The following VSNL1 variants were observed in gnomAD, a reference collection of about 807,000 sequenced individuals.
VSNL1 encodes the protein visinin-like protein 1.
In VSNL1, 6 loss-of-function variants were observed where a neutral mutation model predicts 20.4. That is an observed-to-expected ratio of 0.29 (90% CI 0.16 to 0.58). The LOEUF (loss-of-function observed/expected upper bound fraction) is 0.58. Ranked by LOEUF, VSNL1 falls within the 20% of genes least tolerant of loss-of-function variation. The probability of loss-of-function intolerance (pLI) is 0.90; values close to 1 mark genes in which losing one functional copy is unlikely to be tolerated. For synonymous variants in VSNL1, 93 were observed against 86.4 expected (o/e 1.08, Z -0.42); for missense variants, 100 against 234.5 (o/e 0.43, Z 3.75).
At chr2:17,593,433 G>A (rs1664640229) in intron 2 of VSNL1, among the ~76,000 whole-genome samples, 1 of 152,152 alleles carries the variant, frequency 6.6e-6, no homozygotes, top group South Asian at 2.1e-4. Context: ...TTTTAAAAAT[G>A]TGTTTTATAG....
intron 2 of VSNL1, among the ~76,000 whole-genome samples, chr2:17,615,112 A>G (rs1665185475): frequency 6.6e-6 from 1 of 152,214 alleles, no homozygotes; most frequent in South Asian, 2.1e-4. Context: ...ATGACATGTC[A>G]TTAAATAAGA....
At chr2:17,622,597 AAAG>A (rs1665410952) in intron 2 of VSNL1, among the ~76,000 whole-genome samples, 1 of 138,196 alleles carries the variant, frequency 7.2e-6, no homozygotes, top group Non-Finnish European at 1.6e-5. Flanking sequence ...AGAAAGAAAG[AAAG>A]AAAAGAAAGA....
Position 17,634,181 on chromosome 2 carries a change from G to A in VSNL1, c.163-15229G>A, listed in dbSNP as rs1030436328. ...GGTTAAGGCCTAGACTTGCAGATGC[G>A]CTCACTCATTGTAACAGCAGTGTGC... On this transcript the variant is annotated intron_variant, in intron 2 of 3. Transcript: ENST00000295156. The surrounding 1 kb of genome is among the most constrained non-coding windows in gnomAD (Gnocchi z 4.3). 1.3e-5 allele frequency among the ~76,000 whole-genome samples: 2 copies of A among 152,120 alleles called. No individual in the cohort carries two copies. The highest frequency in any genetic ancestry group is 2.9e-5 in the Non-Finnish European group (2 of 68,026).
At chr2:17,576,294 A>T (rs966695258) in intron 1 of VSNL1, among the ~76,000 whole-genome samples, 1 of 152,172 alleles carries the variant, frequency 6.6e-6, no homozygotes, top group Non-Finnish European at 1.5e-5. Context: ...ATGTGCCATG[A>T]TTTACTATCC....
At chr2:17,585,006 A>ACATTGC (rs1396262645) in intron 1 of VSNL1, among the ~76,000 whole-genome samples, 1 of 152,152 alleles carries the variant, frequency 6.6e-6, no homozygotes, top group African/African-American at 2.4e-5. Flanking sequence ...ACTCGCCCTA[A>ACATTGC]CATTGCCACT....
chr2:17,581,438 A>G (rs1664346547), intron 1 of VSNL1, among the ~76,000 whole-genome samples: 1 of 152,202 alleles, frequency 6.6e-6, no homozygotes, highest in Admixed American at 6.5e-5. Flanking sequence ...ATGGCTTCAT[A>G]ATTTCCATTC....
chr2:17,598,257 G>C (rs1664752741), intron 2 of VSNL1, among the ~76,000 whole-genome samples: 1 of 152,192 alleles, frequency 6.6e-6, no homozygotes, highest in East Asian at 1.9e-4. Flanking sequence ...GATTTTAGGT[G>C]CATAACCTCT....
intron 2 of VSNL1, among the ~76,000 whole-genome samples, chr2:17,637,019 C>A (rs1042930408): frequency 6.6e-6 from 1 of 152,222 alleles, no homozygotes; most frequent in Non-Finnish European, 1.5e-5. Context: ...GTTCCAGGTG[C>A]CATCCATAGG....
intron 2 of VSNL1, among the ~76,000 whole-genome samples, chr2:17,622,600 GAAA>G (rs200558499): frequency 1.7e-5 from 2 of 115,602 alleles, no homozygotes; most frequent in East Asian, 5.8e-4. Flanking sequence ...AAGAAAGAAA[GAAA>G]AGAAAGAAAG....
chr2:17,560,776 A>T (rs1663794529), intron 1 of VSNL1, among the ~76,000 whole-genome samples: 1 of 152,222 alleles, frequency 6.6e-6, no homozygotes, highest in South Asian at 2.1e-4. Flanking sequence ...ATGTCAAAAG[A>T]TGTCATTAAC....
intron 1 of VSNL1, among the ~76,000 whole-genome samples, chr2:17,560,396 A>T (rs749099972): frequency 6.6e-6 from 1 of 152,142 alleles, no homozygotes; most frequent in African/African-American, 2.4e-5. Context: ...ATCAAATAAT[A>T]TGGAATAGGC....
chr2:17,613,014 C>T (rs1404933705), intron 2 of VSNL1, among the ~76,000 whole-genome samples: 2 of 152,180 alleles, frequency 1.3e-5, no homozygotes, highest in African/African-American at 4.8e-5. Context: ...CACCCCATCT[C>T]CTCTTCATTC....
chr2:17,574,262 T>A (rs1664152256), intron 1 of VSNL1, among the ~76,000 whole-genome samples: 1 of 151,974 alleles, frequency 6.6e-6, no homozygotes, highest in South Asian at 2.1e-4. Context: ...AGTTAACAGA[T>A]AACTTTTTCT....
At position 17,609,024 on chromosome 2, in the gene VSNL1, T is replaced by A. The variant is rs7583329; in HGVS notation, c.162+16788T>A. 2.9e-3 allele frequency among the ~76,000 whole-genome samples: 441 copies of A among 152,304 alleles called. 3 individuals carry two copies. Among genetic ancestry groups the A allele is most frequent in the African/African-American group, 0.01 (427 of 41,572 alleles). On this transcript the variant is annotated intron_variant, in intron 2 of 3. Transcript: ENST00000295156. ...CATGCACATATATATATTCAGTTCA[T>A]TGATGTGGGTGCCTTAGTTAGGATC... is the stretch of plus-strand genomic sequence containing the variant.
intron 2 of VSNL1, among the ~76,000 whole-genome samples, chr2:17,615,201 C>G (rs1665187016): frequency 6.6e-6 from 1 of 152,184 alleles, no homozygotes; most frequent in Admixed American, 6.5e-5. Flanking sequence ...ACACACATAG[C>G]TCCCTGCCCC....
intron 1 of VSNL1, among the ~76,000 whole-genome samples, chr2:17,583,500 C>T (rs1206251184): frequency 2.0e-5 from 3 of 152,166 alleles, no homozygotes; most frequent in African/African-American, 7.2e-5. Flanking sequence ...TTCATAGAAA[C>T]CAATTCTCAG....
At chr2:17,559,628 TC>T (rs1187105792) in intron 1 of VSNL1, among the ~76,000 whole-genome samples, 1 of 152,168 alleles carries the variant, frequency 6.6e-6, no homozygotes, top group East Asian at 1.9e-4. Flanking sequence ...CTAATATCCT[TC>T]CAGTTCTACC....
intron 2 of VSNL1, among the ~76,000 whole-genome samples, chr2:17,608,522 C>T (rs773967169): frequency 6.6e-6 from 1 of 152,136 alleles, no homozygotes; most frequent in African/African-American, 2.4e-5. Context: ...TTACATAAGA[C>T]CAGACCAACC....
intron 2 of VSNL1, among the ~76,000 whole-genome samples, chr2:17,627,298 G>C (rs972761528): frequency 6.6e-6 from 1 of 152,122 alleles, no homozygotes; most frequent in Non-Finnish European, 1.5e-5. Context: ...GTGTTTTCAG[G>C]TACACAAAGA....
Sources: allele counts gnomAD v4.1 joint callset (sites outside exome capture counted in the v4.1 genomes callset), GRCh38; gene constraint gnomAD v4.1.1; non-coding constraint Gnocchi (gnomAD v3.1); transcripts MANE v1.5; gene names NCBI Gene and HGNC (gene_info 2026-07-23, HGNC 2026-07-21).